The following PLPPR5 variants were observed in gnomAD, a reference collection of about 807,000 sequenced individuals.
PLPPR5 encodes the protein phospholipid phosphatase-related protein type 5.
A neutral mutation model predicts 33.9 loss-of-function variants in PLPPR5; 16 were observed. That is an observed-to-expected ratio of 0.47 (90% confidence interval 0.32 to 0.72). PLPPR5 has a LOEUF of 0.72. PLPPR5 is among the 30% of genes least tolerant of loss of function. PLPPR5 has a pLI of 0.03. For missense variants in PLPPR5, 301 were observed against 406.7 expected (o/e 0.74, Z 2.23); for synonymous variants, 163 against 150.3 (o/e 1.08, Z -0.62).
At chr1:98,928,903 T>A (rs889756072) in intron 3 of PLPPR5, among the ~76,000 whole-genome samples, 2 of 152,078 alleles carry the variant, frequency 1.3e-5, no homozygotes, top group Admixed American at 6.6e-5. Context: ...TTTTCTAAGT[T>A]AAACTAATAT....
chr1:98,957,875 C>T (rs528392900), intron 1 of PLPPR5, among the ~76,000 whole-genome samples: 1 of 152,164 alleles, frequency 6.6e-6, no homozygotes, highest in Non-Finnish European at 1.5e-5. Flanking sequence ...ATTAAAGGAC[C>T]TGGCTATCTT....
At chr1:98,921,843 AT>A in intron 4 of PLPPR5, 38 bp downstream of exon 4, 3 of 1,534,084 alleles carry the variant, frequency 2.0e-6, no homozygotes, top group Non-Finnish European at 2.7e-6. Flanking sequence ...ATGCAAGTTA[AT>A]TAAAAACCCA....
chr1:98,959,834 G>A (rs1651161450), intron 1 of PLPPR5, among the ~76,000 whole-genome samples: 1 of 152,180 alleles, frequency 6.6e-6, no homozygotes, highest in Non-Finnish European at 1.5e-5. Flanking sequence ...ACATGAAAAT[G>A]TCACTGTGGG....
At chr1:99,003,534 TCTC>T (rs977041986) in intron 1 of PLPPR5, among the ~76,000 whole-genome samples, 2 of 152,062 alleles carry the variant, frequency 1.3e-5, no homozygotes, top group Non-Finnish European at 2.9e-5. Context: ...CACCAACAAT[TCTC>T]CTAAGAATAA....
chr1:99,001,671 G>GATAT (rs55722150), intron 1 of PLPPR5, among the ~76,000 whole-genome samples: 4,393 of 102,040 alleles, frequency 0.043, 259 homozygotes, highest in African/African-American at 0.11. Flanking sequence ...GAAAGTTAAA[G>GATAT]ATATATATAT....
At chr1:98,900,307 AC>A (rs1204994618) in intron 5 of PLPPR5, among the ~76,000 whole-genome samples, 1 of 152,080 alleles carries the variant, frequency 6.6e-6, no homozygotes, top group Non-Finnish European at 1.5e-5. Flanking sequence ...CTCCAGCTGG[AC>A]CATTCTTCTC....
intron 4 of PLPPR5, among the ~76,000 whole-genome samples, chr1:98,915,973 T>C (rs545039142): frequency 6.6e-6 from 1 of 152,198 alleles, no homozygotes; most frequent in Non-Finnish European, 1.5e-5. Flanking sequence ...CTATTACAAA[T>C]CAAAATACAG....
intron 3 of PLPPR5, among the ~76,000 whole-genome samples, chr1:98,929,852 A>G (rs1221289732): frequency 6.6e-6 from 1 of 152,220 alleles, no homozygotes; most frequent in Non-Finnish European, 1.5e-5. Context: ...ATCAAGAACC[A>G]CACATATTCA....
chr1:98,970,604 C>T (rs1386554963), intron 1 of PLPPR5, among the ~76,000 whole-genome samples: 1 of 151,896 alleles, frequency 6.6e-6, no homozygotes, highest in African/African-American at 2.4e-5. Flanking sequence ...AGGCCAAGTA[C>T]TGTTGTAAAC....
intron 1 of PLPPR5, 168 bp downstream of exon 1, chr1:99,004,267 C>A (rs1320704893): frequency 9.8e-6 from 6 of 610,132 alleles, no homozygotes; most frequent in African/African-American, 9.7e-5. Flanking sequence ...TTCCTTCGCA[C>A]CCACCCTCAC....
At chr1:98,983,185 C>A (rs1358837876) in intron 1 of PLPPR5, among the ~76,000 whole-genome samples, 1 of 150,734 alleles carries the variant, frequency 6.6e-6, no homozygotes, top group African/African-American at 2.4e-5. Flanking sequence ...GCGCTGCACC[C>A]ACTAACTCGT....
At chr1:98,969,420 G>GA (rs1393574503) in intron 1 of PLPPR5, among the ~76,000 whole-genome samples, 1 of 151,940 alleles carries the variant, frequency 6.6e-6, no homozygotes, top group African/African-American at 2.4e-5. Context: ...CAATGGGAGA[G>GA]AAAAAATATG....
intron 1 of PLPPR5, among the ~76,000 whole-genome samples, chr1:98,974,800 C>G (rs911656414): frequency 6.6e-6 from 1 of 152,000 alleles, no homozygotes; most frequent in Non-Finnish European, 1.5e-5. Context: ...CTACTTTGTA[C>G]CTGAATTCCA....
intron 1 of PLPPR5, among the ~76,000 whole-genome samples, chr1:98,983,356 C>A (rs558511465): frequency 1.6e-5 from 2 of 121,692 alleles, no homozygotes; most frequent in Non-Finnish European, 3.5e-5. Context: ...TTTGTTCTTG[C>A]GATAGTTTAC....
intron 1 of PLPPR5, among the ~76,000 whole-genome samples, chr1:98,976,595 G>C (rs1200822031): frequency 6.6e-6 from 1 of 151,956 alleles, no homozygotes; most frequent in Non-Finnish European, 1.5e-5. Flanking sequence ...CAATTGCCTT[G>C]AACACTTGGT....
intron 5 of PLPPR5, among the ~76,000 whole-genome samples, chr1:98,907,406 C>T (rs1211642703): frequency 2.6e-5 from 4 of 151,812 alleles, no homozygotes; most frequent in Non-Finnish European, 5.9e-5. Context: ...TTTGTCATGT[C>T]GGCCCTCGAA....
chr1:98,947,098 T>G (rs561887340), intron 3 of PLPPR5, among the ~76,000 whole-genome samples: 2 of 152,296 alleles, frequency 1.3e-5, no homozygotes, highest in East Asian at 3.9e-4. Context: ...AAGCCGACGT[T>G]TGCTAACATA....
At chr1:98,971,980 C>T (rs1651678279) in intron 1 of PLPPR5, among the ~76,000 whole-genome samples, 1 of 151,938 alleles carries the variant, frequency 6.6e-6, no homozygotes, top group Non-Finnish European at 1.5e-5. Flanking sequence ...TTGAATGAGC[C>T]CCCATTTGCA....
At chr1:98,996,297 C>T (rs965844976) in intron 1 of PLPPR5, among the ~76,000 whole-genome samples, 4 of 152,038 alleles carry the variant, frequency 2.6e-5, no homozygotes, top group African/African-American at 4.8e-5. Context: ...CACATACATA[C>T]ACATGCTTAA....
Sources: allele counts gnomAD v4.1 joint callset (sites outside exome capture counted in the v4.1 genomes callset), GRCh38; gene constraint gnomAD v4.1.1; transcripts MANE v1.5; gene names NCBI Gene and HGNC (gene_info 2026-07-23, HGNC 2026-07-21).